Variants in USH2A observed in about 807,000 individuals in gnomAD.
USH2A encodes usherin.
A neutral mutation model predicts 538.9 loss-of-function variants in USH2A; 443 were observed. That is an observed-to-expected ratio of 0.82 (90% CI 0.76 to 0.89). The LOEUF (loss-of-function observed/expected upper bound fraction) is 0.89. Among genes scored for constraint, USH2A ranks in the 40% least tolerant of loss-of-function variants. The pLI is 0.00. For synonymous variants in USH2A, 2,413 were observed against 2,273.5 expected (o/e 1.06, Z -1.75); for missense variants, 6,633 against 6,324.8 (o/e 1.05, Z -1.65).
chr1:215,642,548 C>T (rs1310700876), intron 67 of USH2A, among the ~76,000 whole-genome samples: 3 of 152,104 alleles, frequency 2.0e-5, no homozygotes, highest in African/African-American at 7.2e-5. Context: ...CCGGCCACTA[C>T]TAAAAATTAA....
chr1:216,361,555 G>A (rs987104995), intron 4 of USH2A, among the ~76,000 whole-genome samples: 9 of 151,928 alleles, frequency 5.9e-5, no homozygotes, highest in Non-Finnish European at 2.9e-5. Context: ...AAATTATTAA[G>A]AAAAATACAA....
intron 13 of USH2A, among the ~76,000 whole-genome samples, chr1:216,238,921 T>C (rs1572080811): frequency 6.6e-6 from 1 of 152,074 alleles, no homozygotes; most frequent in Non-Finnish European, 1.5e-5. Flanking sequence ...GCCCCTGTGG[T>C]ATATGATCTA....
intron 51 of USH2A, among the ~76,000 whole-genome samples, chr1:215,787,362 C>A (rs1186746351): frequency 1.3e-5 from 2 of 152,084 alleles, no homozygotes; most frequent in Non-Finnish European, 2.9e-5. Context: ...TTTACACTTC[C>A]TGTGTTGTTG....
At chr1:215,731,126 T>G (rs908471425) in intron 60 of USH2A, among the ~76,000 whole-genome samples, 2 of 152,240 alleles carry the variant, frequency 1.3e-5, no homozygotes, top group African/African-American at 4.8e-5. Context: ...GATGTAGTCA[T>G]GGTTTCTATA....
intron 44 of USH2A, among the ~76,000 whole-genome samples, chr1:215,851,581 C>T (rs541038256): frequency 7.9e-5 from 12 of 152,168 alleles, no homozygotes; most frequent in South Asian, 2.1e-4. Flanking sequence ...CAGGACCAGA[C>T]AGATTCACAG....
chr1:216,414,987 A>T (rs2039551948), intron 3 of USH2A, among the ~76,000 whole-genome samples: 1 of 152,120 alleles, frequency 6.6e-6, no homozygotes. Flanking sequence ...ATGTTCTTGC[A>T]GTTATACAAT....
intron 13 of USH2A, among the ~76,000 whole-genome samples, chr1:216,241,897 G>A (rs760951259): frequency 6.6e-6 from 1 of 152,090 alleles, no homozygotes; most frequent in African/African-American, 2.4e-5. Flanking sequence ...CCTTTCCAAA[G>A]GTTTATTGCA....
In USH2A at chr1:216,217,639, A is replaced by G. The variant is rs1213798290; in HGVS notation, c.2994-89T>C. On this transcript the variant is annotated intron_variant, in intron 14 of 71. Coordinates refer to ENST00000307340, the MANE Select transcript of USH2A (RefSeq NM_206933.4). ...GTTACACCTACCAATAGCATTGTAG[A>G]GTAAGACGGCTTGTTTTAGCCAATA... 2.7e-6 allele frequency: 4 copies of G among 1,474,696 alleles called. No individual in the cohort carries two copies. The East Asian group carries it at 7.3e-5, about 27-fold the overall frequency. The allele number at this position is 1,474,696 out of a possible 1,614,324, so 91.4% of individuals were successfully genotyped here. A position where few individuals can be genotyped will look rare whatever the true frequency, so the allele number is the denominator to read the frequency against.
intron 11 of USH2A, among the ~76,000 whole-genome samples, chr1:216,287,991 GAGA>G (rs2036919625): frequency 6.6e-6 from 1 of 152,128 alleles, no homozygotes; most frequent in Non-Finnish European, 1.5e-5. Flanking sequence ...GTTGGAAAGA[GAGA>G]AGAAGAAAAG....
At chr1:216,051,878 C>T (rs1003788197) in intron 30 of USH2A, among the ~76,000 whole-genome samples, 17 of 152,146 alleles carry the variant, frequency 1.1e-4, no homozygotes, top group Admixed American at 2.0e-4. Flanking sequence ...TATACTAAGA[C>T]ATTTCTTTCC....
chr1:215,772,220 G>T (rs1175809859), intron 55 of USH2A, among the ~76,000 whole-genome samples: 1 of 152,194 alleles, frequency 6.6e-6, no homozygotes, highest in Non-Finnish European at 1.5e-5. Context: ...GAATTGATCA[G>T]GATGAGAAGA....
At chr1:216,163,097 T>C (rs1479187673) in intron 21 of USH2A, among the ~76,000 whole-genome samples, 1 of 151,956 alleles carries the variant, frequency 6.6e-6, no homozygotes, top group Non-Finnish European at 1.5e-5. Flanking sequence ...TTAAGCATAA[T>C]AGCTCTGCAC....
intron 41 of USH2A, among the ~76,000 whole-genome samples, chr1:215,885,886 G>A (rs1644079093): frequency 6.6e-6 from 1 of 152,072 alleles, no homozygotes; most frequent in African/African-American, 2.4e-5. Flanking sequence ...CTATCAGCTG[G>A]CATTCCATAT....
At chr1:216,148,689 A>G (rs1254342167) in intron 21 of USH2A, among the ~76,000 whole-genome samples, 1 of 151,808 alleles carries the variant, frequency 6.6e-6, no homozygotes, top group Admixed American at 6.6e-5. Flanking sequence ...CAGGATCTGC[A>G]CCTTATCAAC....
chr1:215,953,488 T>G (rs970854815), intron 37 of USH2A, among the ~76,000 whole-genome samples: 21 of 152,250 alleles, frequency 1.4e-4, no homozygotes, highest in Non-Finnish European at 2.8e-4. Flanking sequence ...TAATAAATGG[T>G]GCTGGGAAAA....
chr1:216,114,194 GA>G (rs1242831612), intron 21 of USH2A, among the ~76,000 whole-genome samples: 1 of 151,668 alleles, frequency 6.6e-6, no homozygotes, highest in Non-Finnish European at 1.5e-5. Flanking sequence ...CTGAATTATG[GA>G]AAAAATATTT....
rs12118814 is a variant in USH2A, at chr1:215,877,815, C to T, written c.8624G>A (p.Arg2875Gln). The change falls in exon 43 of 72, where the codon CGG becomes CAG. Residue 2875 changes from arginine (R) to glutamine (Q), a missense_variant. Transcript: ENST00000307340. ...AGTTCCTGAATAAATATTGTGCCAC[C>T]GATTTAAATCTTCTGGGGGATTTGA... ...LASNPPEDLN[R>Q]WHNIYSGTQW... is the part of the protein sequence containing the mutation. 52,493 of 1,613,608 alleles carry T rather than the reference C, an allele frequency of 0.033. 1,038 individuals carry two copies. Among genetic ancestry groups the T allele is most frequent in the Non-Finnish European group, 0.035 (41,567 of 1,179,704 alleles).
At chr1:215,777,800 C>T (rs577149736) in intron 55 of USH2A, among the ~76,000 whole-genome samples, 10 of 152,264 alleles carry the variant, frequency 6.6e-5, no homozygotes, top group South Asian at 6.2e-4. Flanking sequence ...GCCTTGGATA[C>T]GCTGAGTAGG....
intron 21 of USH2A, among the ~76,000 whole-genome samples, chr1:216,158,206 T>C (rs2033987718): frequency 6.6e-6 from 1 of 152,210 alleles, no homozygotes; most frequent in South Asian, 2.1e-4. Context: ...CAACTTTGCA[T>C]GTGCTTTTTA....
Sources: gnomAD v4.1 joint callset for allele counts (sites outside exome capture counted in the v4.1 genomes callset) on GRCh38, gnomAD v4.1.1 for gene constraint, MANE v1.5 for transcripts, NCBI Gene and HGNC (gene_info 2026-07-23, HGNC 2026-07-21) for gene names.